The following PLCG2 variants were observed in gnomAD, a reference collection of about 807,000 sequenced individuals.
The protein encoded by PLCG2 is 1-phosphatidylinositol 4,5-bisphosphate phosphodiesterase gamma-2.
A neutral mutation model predicts 175.6 loss-of-function variants in PLCG2; 69 were observed. That is an observed-to-expected ratio of 0.39 (90% CI 0.32 to 0.48). The LOEUF (loss-of-function observed/expected upper bound fraction) is 0.48, where lower values mean the gene tolerates loss of function less well. Among genes scored for constraint, PLCG2 ranks in the 20% least tolerant of loss-of-function variants. The probability of loss-of-function intolerance (pLI) is 0.91; values close to 1 mark genes in which losing one functional copy is unlikely to be tolerated. For synonymous variants in PLCG2, 827 were observed against 624.0 expected (o/e 1.33, Z -4.85); for missense variants, 1,798 against 1,650.9 (o/e 1.09, Z -1.54).
chr16:81,854,333 T>A, intron 2 of PLCG2, 111 bp from the exon 3 acceptor site: 1 of 935,174 alleles, frequency 1.1e-6, no homozygotes, highest in South Asian at 1.5e-5. Flanking sequence ...CTTTGCGGGA[T>A]CCTGTTGGGG....
rs188289842 is a variant in PLCG2, at chr16:81,742,659, C to G, written c.-145+3274C>G. Among the ~76,000 whole-genome samples the G allele has an allele frequency of 2.6e-5, 4 of 152,292 alleles. No homozygotes were observed. The East Asian group carries it at 7.7e-4, about 29-fold the overall frequency. ...CAGGCATCCCACTGCTTTCAGGGAG[C>G]TGGTGGGGAGAACTCAAGACAGATG... On this transcript the variant is annotated intron_variant, in intron 1 of 5. Transcript: ENST00000565054.
intron 9 of PLCG2, among the ~76,000 whole-genome samples, chr16:81,884,521 G>GC (rs1238706425): frequency 6.6e-6 from 1 of 152,088 alleles, no homozygotes; most frequent in East Asian, 1.9e-4. Context: ...CCCTTTTTGT[G>GC]CCCCAGTTTC....
chr16:81,938,707 C>G, intron 28 of PLCG2, 94 bp from the exon 29 acceptor site: 2 of 701,352 alleles, frequency 2.9e-6, no homozygotes, highest in African/African-American at 3.6e-5. Flanking sequence ...GCATTGAACT[C>G]ATCCAGTGTC....
In PLCG2 at chr16:81,770,688, C is replaced by A. The variant is rs115893178; in HGVS notation, c.-48+14722C>A. 4.9e-3 allele frequency among the ~76,000 whole-genome samples: 750 copies of A among 152,204 alleles called. 3 individuals are homozygous for A. Among genetic ancestry groups the A allele is most frequent in the African/African-American group, 0.017 (702 of 41,536 alleles). Reference sequence around the variant, plus strand: ...TGAGCTGAGATTGCGCCACTGCCCTCCTGCTTGGGCTACAGAGTGAGACCC... The same window carrying A: ...TGAGCTGAGATTGCGCCACTGCCCTACTGCTTGGGCTACAGAGTGAGACCC... On this transcript the variant is annotated intron_variant, in intron 2 of 5. Transcript: ENST00000565054.
chr16:81,778,302 C>T (rs149867368), upstream of PLCG2, among the ~76,000 whole-genome samples: 1 of 151,598 alleles, frequency 6.6e-6, no homozygotes, highest in African/African-American at 2.4e-5. Context: ...TCCCGGAGTT[C>T]GAGGATGTGG....
At chr16:81,904,347 C>G (rs1271303717) in intron 14 of PLCG2, among the ~76,000 whole-genome samples, 1 of 152,228 alleles carries the variant, frequency 6.6e-6, no homozygotes, top group Admixed American at 6.5e-5. Context: ...GAATTCAAAT[C>G]TGGATCTGAC....
At chr16:81,796,154 G>A (rs1006725342) in intron 2 of PLCG2, among the ~76,000 whole-genome samples, 4 of 152,248 alleles carry the variant, frequency 2.6e-5, no homozygotes, top group Non-Finnish European at 5.9e-5. Flanking sequence ...CTGGCACTGA[G>A]GACTTTCCTG....
intron 1 of PLCG2, among the ~76,000 whole-genome samples, chr16:81,782,486 C>T (rs982182838): frequency 6.6e-6 from 1 of 152,126 alleles, no homozygotes; most frequent in Non-Finnish European, 1.5e-5. Flanking sequence ...TGGAGACCTC[C>T]CTGCCATAGT....
chr16:81,788,355 A>T (rs1911076325), intron 2 of PLCG2, among the ~76,000 whole-genome samples: 1 of 152,156 alleles, frequency 6.6e-6, no homozygotes, highest in African/African-American at 2.4e-5. Context: ...ATGTCAGCTC[A>T]CTGCAAGCTC....
intron 2 of PLCG2, among the ~76,000 whole-genome samples, chr16:81,791,396 C>G (rs1238757457): frequency 6.6e-6 from 1 of 152,028 alleles, no homozygotes. Context: ...TATAAACAAG[C>G]AGATTTGTGG....
intron 24 of PLCG2, chr16:81,928,839 G>A (rs1445745811): frequency 1.0e-5 from 5 of 483,304 alleles, no homozygotes; most frequent in Non-Finnish European, 1.9e-5. Context: ...GCTAAAACAA[G>A]GTCTCGTACA....
intron 2 of PLCG2, among the ~76,000 whole-genome samples, chr16:81,820,543 C>T (rs1193352914): frequency 1.3e-5 from 2 of 152,190 alleles, no homozygotes; most frequent in Non-Finnish European, 2.9e-5. Context: ...CCGAATATAC[C>T]ACTGCCTACT....
intron 24 of PLCG2, among the ~76,000 whole-genome samples, chr16:81,930,416 C>T (rs773665764): frequency 1.3e-5 from 2 of 152,072 alleles, no homozygotes; most frequent in African/African-American, 4.8e-5. Flanking sequence ...TCCACATTTG[C>T]CTGCACATGG....
At chr16:81,776,747 G>T (rs572348946), upstream of PLCG2, among the ~76,000 whole-genome samples, 34 of 152,238 alleles carry the variant, frequency 2.2e-4, no homozygotes, top group South Asian at 6.8e-3. Context: ...TAGAGAGGGT[G>T]TTTTACCATG....
chr16:81,905,862 GTT>G (rs1567526154), intron 15 of PLCG2, among the ~76,000 whole-genome samples: 3 of 151,926 alleles, frequency 2.0e-5, no homozygotes, highest in African/African-American at 4.8e-5. Context: ...ATTTAGTCGT[GTT>G]GCCCAGGGTG....
chr16:81,899,626 T>A (rs899496147), intron 13 of PLCG2, among the ~76,000 whole-genome samples: 1 of 152,150 alleles, frequency 6.6e-6, no homozygotes, highest in African/African-American at 2.4e-5. Flanking sequence ...CTGCCATGTT[T>A]TTCCTGTTTT....
chr16:81,751,987 A>G (rs4889377), intron 1 of PLCG2, among the ~76,000 whole-genome samples: 79,218 of 151,798 alleles, frequency 0.52, 22,297 homozygotes, highest in Middle Eastern at 0.65. Flanking sequence ...GTGCCACTGC[A>G]CTCCAGCCTG....
intron 11 of PLCG2, among the ~76,000 whole-genome samples, 174 bp from the exon 12 acceptor site, chr16:81,893,535 G>A (rs781657464): frequency 3.9e-5 from 6 of 152,192 alleles, no homozygotes; most frequent in Admixed American, 1.3e-4. Context: ...CAGTGTGACC[G>A]TGGGATTGTG....
intron 30 of PLCG2, among the ~76,000 whole-genome samples, chr16:81,944,961 T>C (rs1202109772): frequency 6.6e-6 from 1 of 152,196 alleles, no homozygotes; most frequent in Non-Finnish European, 1.5e-5. Context: ...AAGAATTTTA[T>C]ATTAAAATGC....
Sources: gnomAD v4.1 joint callset for allele counts (sites outside exome capture counted in the v4.1 genomes callset) on GRCh38, gnomAD v4.1.1 for gene constraint, MANE v1.5 for transcripts, NCBI Gene and HGNC (gene_info 2026-07-23, HGNC 2026-07-21) for gene names.